MOSPD2: variants seen among roughly 807,000 people sequenced by gnomAD.
MOSPD2 encodes the protein motile sperm domain-containing protein 2.
Under a neutral mutation model 41.7 loss-of-function variants are expected in MOSPD2, and 5 were observed. The observed-to-expected ratio is 0.12, with a 90% CI of 0.06 to 0.25. The LOEUF (loss-of-function observed/expected upper bound fraction) is 0.25, where lower values mean the gene tolerates loss of function less well. MOSPD2 is among the 10% of genes least tolerant of loss of function. MOSPD2 has a pLI of 1.00. For missense variants in MOSPD2, 282 were observed against 375.2 expected, an observed-to-expected ratio of 0.75 and a Z score of 2.05; for synonymous variants, 115 against 126.9, an observed-to-expected ratio of 0.91 and a Z score of 0.63.
intron 7 of MOSPD2, among the ~76,000 whole-genome samples, chrX:14,906,760 C>T (rs2092582850): frequency 8.9e-6 from 1 of 111,977 alleles, no homozygotes. Context: ...CATGGTGACT[C>T]ACGCCTGTAA....
intron 2 of MOSPD2, among the ~76,000 whole-genome samples, chrX:14,877,817 CAA>C (rs1333210164): frequency 1.1e-5 from 1 of 87,118 alleles, no homozygotes; most frequent in Non-Finnish European, 2.3e-5. Context: ...GCTAAAAATA[CAA>C]AAAAAAAAAA....
At chrX:14,873,965 T>TA (rs1158367556) in intron 2 of MOSPD2, 8 of 429,791 alleles carry the variant, frequency 1.9e-5, no homozygotes, top group Non-Finnish European at 2.9e-5. Context: ...CATGCTCCCT[T>TA]TAAAGGGTTA....
rs1434744274 is a variant in MOSPD2 at position 14,918,532 on chromosome X, C to A, written c.1317-148C>A. 6 of 425,256 alleles carry A rather than the reference C, an allele frequency of 1.4e-5. No homozygotes were observed. In the Admixed American group the frequency reaches 2.5e-4, roughly 18 times the overall value. The allele number at this position is 425,256 out of a possible 1,213,427, so 35.0% of individuals were successfully genotyped here. ...AGCTGGAAGATACATATACACAGAG[C>A]AACTGTCTTAGGTGAACCTGGGGAA... On this transcript the variant is annotated intron_variant, in intron 13 of 14. Transcript: ENST00000380492.
chrX:14,894,565 C>T (rs6631291), intron 3 of MOSPD2, among the ~76,000 whole-genome samples: 6,724 of 110,169 alleles, frequency 0.061, 451 homozygotes, highest in African/African-American at 0.2. Flanking sequence ...ATCTGCCCTC[C>T]TCAGCCTCCC....
At chrX:14,906,601 C>T (rs984324330) in intron 7 of MOSPD2, among the ~76,000 whole-genome samples, 2 of 111,958 alleles carry the variant, frequency 1.8e-5, no homozygotes, top group Non-Finnish European at 3.8e-5. Flanking sequence ...AAATTGAAAA[C>T]TTGTGCCTTC....
chrX:14,912,575 C>T (rs2092593801), intron 10 of MOSPD2, among the ~76,000 whole-genome samples: 1 of 111,579 alleles, frequency 9.0e-6, no homozygotes, highest in Non-Finnish European at 1.9e-5. Context: ...AAAGGGTTCT[C>T]ATCACACATC....
chrX:14,913,247 C>T (rs1281250115), intron 10 of MOSPD2, among the ~76,000 whole-genome samples: 1 of 111,537 alleles, frequency 9.0e-6, no homozygotes, highest in African/African-American at 3.3e-5. Flanking sequence ...TTTCTCCCTA[C>T]TTATTTGGAA....
chrX:14,919,239 A>C (rs950374424), intron 14 of MOSPD2, among the ~76,000 whole-genome samples: 2 of 111,776 alleles, frequency 1.8e-5, no homozygotes, highest in African/African-American at 6.5e-5. Context: ...GTAAGCAGTG[A>C]GTTATTTTTG....
intron 8 of MOSPD2, among the ~76,000 whole-genome samples, chrX:14,910,850 A>T (rs2092590245): frequency 9.0e-6 from 1 of 111,165 alleles, no homozygotes; most frequent in Non-Finnish European, 1.9e-5. Flanking sequence ...CTTATGATTC[A>T]AAAGACAATT....
At chrX:14,893,059 C>A (rs2092556911) in intron 3 of MOSPD2, 181 bp downstream of exon 3, 1 of 351,276 alleles carries the variant, frequency 2.8e-6, no homozygotes, top group East Asian at 4.3e-5. Context: ...TAAGTGGGAT[C>A]ATTCATAAGG....
rs1173243055 is a variant in MOSPD2 at position 14,915,561 on chromosome X, AAAAAATAAAAAT to A, written c.1090-91_1090-80del. 21 of 400,200 alleles carry A rather than the reference AAAAAATAAAAAT, an allele frequency of 5.2e-5. 1 individual carries two copies. Among genetic ancestry groups the A allele is most frequent in the Middle Eastern group, 9.2e-4 (1 of 1,089 alleles). 33.0% of individuals were successfully genotyped at this position (400,200 alleles called of 1,213,427 possible). On this transcript the variant is annotated intron_variant, in intron 11 of 14. Coordinates refer to ENST00000380492, the MANE Select transcript of MOSPD2 (RefSeq NM_152581.4). ...AAAACTTAAAGTATAATAAAAATAA[AAAAAATAAAAAT>A]AAAAATAAAAATAAATTTTTTTAAA...
intron 2 of MOSPD2, among the ~76,000 whole-genome samples, chrX:14,888,195 T>TACACACACAC (rs773623825): frequency 3.9e-4 from 35 of 88,773 alleles, no homozygotes; most frequent in South Asian, 1.6e-3. Flanking sequence ...GGAGAATATA[T>TACACACACAC]ACACACACAC....
intron 2 of MOSPD2, among the ~76,000 whole-genome samples, chrX:14,881,317 T>G (rs941055966): frequency 9.1e-6 from 1 of 109,886 alleles, no homozygotes; most frequent in African/African-American, 3.3e-5. Flanking sequence ...GTTAGAGAAG[T>G]AGGAGAACCA....
intron 2 of MOSPD2, among the ~76,000 whole-genome samples, chrX:14,877,577 G>A (rs2092523143): frequency 9.1e-6 from 1 of 109,632 alleles, no homozygotes; most frequent in South Asian, 3.9e-4. Flanking sequence ...CCTGACCTCA[G>A]GTGATCGCCT....
Position 14,914,534 on chromosome X carries a change from G to C in MOSPD2, c.1024G>C (p.Glu342Gln). 1 of 1,197,145 alleles carries C rather than the reference G, an allele frequency of 8.4e-7. No individual in the cohort carries two copies. The highest frequency in any genetic ancestry group is 2.3e-5 in the Admixed American group (1 of 44,251). The stretch of plus-strand genomic sequence containing the variant: ...AGAAGAACTGTACTTTGGAAGTACA[G>C]AATCCGGAGAGAAGAAAACCTTAAT... ...PAEELYFGST[E>Q]SGEKKTLIVL... The change falls in exon 11 of 15, where the codon GAA becomes CAA. Residue 342 changes from glutamate to glutamine, a missense_variant. Glu to Gln is a conservative substitution (Grantham distance 29). This residue lies in a region of MOSPD2 where 187 missense variants were observed against 256.6 expected (regional missense o/e 0.73). Coordinates refer to ENST00000380492, the MANE Select transcript of MOSPD2 (RefSeq NM_152581.4).
intron 2 of MOSPD2, among the ~76,000 whole-genome samples, chrX:14,891,096 C>T (rs1027772813): frequency 3.6e-5 from 4 of 111,952 alleles, no homozygotes; most frequent in Admixed American, 1.9e-4. Flanking sequence ...ATATGTCTTC[C>T]GTGCTAGTAA....
chrX:14,908,308 T>A (rs1245665010), intron 7 of MOSPD2, among the ~76,000 whole-genome samples: 1 of 111,807 alleles, frequency 8.9e-6, no homozygotes, highest in Non-Finnish European at 1.9e-5. Context: ...TGAGATTTCG[T>A]AAGTTTCCCA....
chrX:14,885,232 T>C (rs2092538965), intron 2 of MOSPD2: 1 of 111,519 alleles, frequency 9.0e-6, no homozygotes, highest in Non-Finnish European at 1.9e-5. Flanking sequence ...TCTCAGAAAA[T>C]TCCAAAGAAG....
At chrX:14,894,468 C>G (rs1306087346) in intron 3 of MOSPD2, among the ~76,000 whole-genome samples, 1 of 109,738 alleles carries the variant, frequency 9.1e-6, no homozygotes, top group African/African-American at 3.3e-5. Flanking sequence ...AGGCGCCCAC[C>G]ACCAAGCCTG....
Sources: allele counts gnomAD v4.1 joint callset (sites outside exome capture counted in the v4.1 genomes callset), GRCh38; gene constraint gnomAD v4.1.1; regional missense constraint gnomAD v4.1.1; transcripts MANE v1.5; gene names NCBI Gene and HGNC (gene_info 2026-07-23, HGNC 2026-07-21).